The following PSMG4 variants were observed in gnomAD, a reference collection of about 807,000 sequenced individuals.
The protein encoded by PSMG4 is proteasome assembly chaperone 4.
In PSMG4, 10 loss-of-function variants were observed where a neutral mutation model predicts 11.0. The observed-to-expected ratio is 0.91, with a 90% confidence interval of 0.56 to 1.54. The LOEUF is 1.54. Ranked by LOEUF, PSMG4 falls within the 40% of genes most tolerant of loss-of-function variation. PSMG4 has a pLI of 0.00. For missense variants in PSMG4, 198 were observed against 160.9 expected (o/e 1.23, Z -1.25); for synonymous variants, 95 against 71.3 (o/e 1.33, Z -1.68).
chr6:3,255,071 T>C (rs1472469064), upstream of PSMG4: 7 of 1,550,872 alleles, frequency 4.5e-6, no homozygotes, highest in South Asian at 3.6e-5. Context: ...ACTTGGAATA[T>C]GCTTCTATTC....
chr6:3,266,154 C>T (rs4336485), intron 2 of PSMG4: 131,294 of 152,044 alleles, frequency 0.86, 56,852 homozygotes, highest in African/African-American at 0.88. Context: ...GGCTCTCCCT[C>T]TCCTCAATTT....
At chr6:3,255,147 G>C (rs577943494), upstream of PSMG4, 4 of 1,551,034 alleles carry the variant, frequency 2.6e-6, no homozygotes, top group South Asian at 1.2e-5. Context: ...TTCTCTTTGA[G>C]GAGCAGGGCC....
Position 3,259,051 on chromosome 6 carries a change from G to T in PSMG4, c.29G>T (p.Gly10Val). The T allele has an allele frequency of 8.0e-7, 1 of 1,256,978 alleles. No individual in the cohort carries two copies. The highest frequency in any genetic ancestry group is 3.3e-5 in the South Asian group (1 of 30,482). 77.9% of individuals were successfully genotyped at this position (1,256,978 alleles called of 1,614,324 possible). Reference sequence around the variant, plus strand: ...GAGGGGCTGGTTGTCGCCGCCGGCGGGGACGTCTCCCTGCACAACTTCAGC... The same window carrying T: ...GAGGGGCTGGTTGTCGCCGCCGGCGTGGACGTCTCCCTGCACAACTTCAGC... MEGLVVAAG[G>V]DVSLHNFSAR... is the part of the protein sequence containing the mutation. Residue 10 changes from glycine (G) to valine (V), a missense_variant, in exon 1 of 3, where the codon GGG becomes GTG. Transcript: ENST00000438998.
intron 2 of PSMG4, chr6:3,264,148 G>A (rs2127262677): frequency 6.5e-7 from 1 of 1,544,662 alleles, no homozygotes; most frequent in South Asian, 1.2e-5. Flanking sequence ...AGTGCAGCTG[G>A]TGGAGCAGGT....
chr6:3,263,443 G>A (rs1391117144), intron 1 of PSMG4, among the ~76,000 whole-genome samples: 5 of 152,236 alleles, frequency 3.3e-5, no homozygotes, highest in Admixed American at 6.5e-5. Context: ...ACTGGTCCTA[G>A]AACTTAGTAG....
At chr6:3,259,658 A>G (rs1358811561) in intron 1 of PSMG4, among the ~76,000 whole-genome samples, 2 of 152,156 alleles carry the variant, frequency 1.3e-5, no homozygotes, top group Admixed American at 1.3e-4. Flanking sequence ...CTGTGATGGC[A>G]GCTCCATCTT....
upstream of PSMG4, among the ~76,000 whole-genome samples, chr6:3,257,213 T>C (rs1295815099): frequency 6.6e-6 from 1 of 152,042 alleles, no homozygotes; most frequent in African/African-American, 2.4e-5. Context: ...TTGGGGAGCA[T>C]AGTCAAGGGG....
chr6:3,267,343 T>G (rs1183877960), intron 2 of PSMG4: 7 of 332,792 alleles, frequency 2.1e-5, no homozygotes, highest in Non-Finnish European at 4.0e-5. Flanking sequence ...TCGAACAAGT[T>G]CCAGGGAGGC....
intron 2 of PSMG4, chr6:3,265,643 A>G (rs992709439): frequency 6.8e-5 from 5 of 73,758 alleles, no homozygotes; most frequent in South Asian, 4.2e-4. Flanking sequence ...CCAGCTTCCT[A>G]CCACACTGCC....
chr6:3,263,669 T>C lies in PSMG4; in HGVS notation c.175-15T>C. 6.5e-7 allele frequency: 1 copy of C among 1,534,688 alleles called. No individual in the cohort carries two copies. On this transcript the variant is annotated splice_polypyrimidine_tract_variant and intron_variant, in intron 1 of 2. Coordinates refer to ENST00000438998, the MANE Select transcript of PSMG4 (RefSeq NM_001128591.2). ...GGGTGGAGAAGCTGCAGTGTGCCCTTTGCTTTTCTTTTAGGACTCCATCCC... is the reference window on the plus strand; with the variant it reads ...GGGTGGAGAAGCTGCAGTGTGCCCTCTGCTTTTCTTTTAGGACTCCATCCC...
intron 1 of PSMG4, among the ~76,000 whole-genome samples, chr6:3,260,621 G>C (rs190335126): frequency 8.5e-5 from 13 of 152,238 alleles, no homozygotes; most frequent in Admixed American, 3.9e-4. Flanking sequence ...GATTATAGGC[G>C]TTAGCCGCCG....
At chr6:3,266,128 G>C (rs1369869588) in intron 2 of PSMG4, 2 of 152,138 alleles carry the variant, frequency 1.3e-5, no homozygotes, top group Non-Finnish European at 2.9e-5. Flanking sequence ...CGGAAAAACA[G>C]GCTTTTGGGG....
At chr6:3,265,066 A>T (rs1724518166) in intron 2 of PSMG4, 1 of 152,292 alleles carries the variant, frequency 6.6e-6, no homozygotes, top group Non-Finnish European at 1.5e-5. Flanking sequence ...CAATAAGGTA[A>T]ATTAGTCTCC....
intron 2 of PSMG4, chr6:3,263,992 C>T (rs1758090599): frequency 3.8e-6 from 5 of 1,305,310 alleles, no homozygotes; most frequent in South Asian, 1.6e-5. Flanking sequence ...ACTCCCACCT[C>T]GTCCTTGGGT....
intron 1 of PSMG4, among the ~76,000 whole-genome samples, chr6:3,260,669 G>A (rs1757957408): frequency 6.6e-6 from 1 of 152,200 alleles, no homozygotes; most frequent in Non-Finnish European, 1.5e-5. Flanking sequence ...CATCTGCAGA[G>A]ACCCTGTTTA....
chr6:3,263,628 G>A (rs967346682), intron 1 of PSMG4, 56 bp from the exon 2 acceptor site: 4 of 1,406,450 alleles, frequency 2.8e-6, no homozygotes, highest in Non-Finnish European at 3.8e-6. Context: ...AGCCAGAAGT[G>A]TGGCTGGCCT....
chr6:3,263,579 C>T, intron 1 of PSMG4, 105 bp from the exon 2 acceptor site: 1 of 997,150 alleles, frequency 1.0e-6, no homozygotes, highest in Non-Finnish European at 1.4e-6. Flanking sequence ...CCTCTCTGAA[C>T]CTGCCACTGC....
At chr6:3,265,095 A>G (rs1217037152) in intron 2 of PSMG4, 1 of 152,192 alleles carries the variant, frequency 6.6e-6, no homozygotes, top group Non-Finnish European at 1.5e-5. Flanking sequence ...TGCGAGATGG[A>G]GGCCTAGTAT....
intron 2 of PSMG4, chr6:3,264,399 GC>G: frequency 6.7e-7 from 1 of 1,502,308 alleles, no homozygotes; most frequent in Admixed American, 2.1e-5. Context: ...CCTGTCTCCT[GC>G]CCAGGCCTGG....
Sources: gnomAD v4.1 joint callset for allele counts (sites outside exome capture counted in the v4.1 genomes callset) on GRCh38, gnomAD v4.1.1 for gene constraint, MANE v1.5 for transcripts, NCBI Gene and HGNC (gene_info 2026-07-23, HGNC 2026-07-21) for gene names.